CSMD3: variants seen among roughly 807,000 people sequenced by gnomAD.
CSMD3 encodes CUB and sushi domain-containing protein 3.
CSMD3 carries 177 observed loss-of-function variants against 435.2 expected under a neutral mutation model. The ratio of observed to expected loss-of-function variants is 0.41; its 90% CI spans 0.36 to 0.46. The LOEUF is 0.46. CSMD3 is among the 20% of genes least tolerant of loss of function. CSMD3 has a pLI of 0.34. For missense variants in CSMD3, 4,265 were observed against 4,504.6 expected (o/e 0.95, Z 1.52); for synonymous variants, 1,656 against 1,520.5 (o/e 1.09, Z -2.07).
chr8:112,774,952 T>A (rs1005708821), intron 13 of CSMD3, among the ~76,000 whole-genome samples: 11 of 151,948 alleles, frequency 7.2e-5, no homozygotes, highest in Admixed American at 1.3e-4. Flanking sequence ...TGCTCCCTCC[T>A]TGTTACCATT....
At chr8:113,418,897 T>C (rs2094595820) in intron 1 of CSMD3, among the ~76,000 whole-genome samples, 2 of 152,142 alleles carry the variant, frequency 1.3e-5, no homozygotes, top group African/African-American at 4.8e-5. Context: ...CATCTGAAAC[T>C]TTCCAACAGG....
intron 35 of CSMD3, among the ~76,000 whole-genome samples, chr8:112,405,059 C>T (rs1046787667): frequency 3.4e-5 from 5 of 148,922 alleles, no homozygotes; most frequent in African/African-American, 9.9e-5. Context: ...TGGTAGTGCA[C>T]GCCTGTAATC....
intron 2 of CSMD3, among the ~76,000 whole-genome samples, chr8:113,280,557 C>T (rs2093606197): frequency 6.6e-6 from 1 of 151,752 alleles, no homozygotes; most frequent in South Asian, 2.1e-4. Flanking sequence ...CTTCTCTTTT[C>T]TTGGTTAATC....
intron 59 of CSMD3, among the ~76,000 whole-genome samples, chr8:112,280,649 A>G (rs1018671346): frequency 1.3e-5 from 2 of 152,178 alleles, no homozygotes; most frequent in African/African-American, 4.8e-5. Context: ...TAAGACTTTT[A>G]AACACATTTT....
At chr8:112,738,820 T>A (rs1291140909) in intron 13 of CSMD3, among the ~76,000 whole-genome samples, 1 of 151,780 alleles carries the variant, frequency 6.6e-6, no homozygotes, top group Non-Finnish European at 1.5e-5. Context: ...ATGAATTTTA[T>A]TTATTTTTAA....
intron 10 of CSMD3, among the ~76,000 whole-genome samples, chr8:112,879,321 G>A (rs2081382473): frequency 6.6e-6 from 1 of 152,064 alleles, no homozygotes; most frequent in Admixed American, 6.6e-5. Flanking sequence ...CCCCAGGCTT[G>A]CTAGGATTAG....
At chr8:112,326,364 A>T (rs1823513250) in intron 45 of CSMD3, among the ~76,000 whole-genome samples, 1 of 152,158 alleles carries the variant, frequency 6.6e-6, no homozygotes, top group African/African-American at 2.4e-5. Flanking sequence ...TCAAATATTT[A>T]CTCTGTAACC....
intron 5 of CSMD3, among the ~76,000 whole-genome samples, chr8:113,072,198 A>G (rs916610717): frequency 2.6e-5 from 4 of 151,726 alleles, no homozygotes; most frequent in Admixed American, 6.6e-5. Flanking sequence ...CTAACAGATA[A>G]TTTTGGTGAG....
At chr8:112,766,424 T>A (rs2077980815) in intron 13 of CSMD3, among the ~76,000 whole-genome samples, 1 of 151,750 alleles carries the variant, frequency 6.6e-6, no homozygotes, top group Non-Finnish European at 1.5e-5. Flanking sequence ...CTTTCTTTAT[T>A]TTTATATTTT....
chr8:112,557,748 T>C (rs916857414), intron 24 of CSMD3, among the ~76,000 whole-genome samples: 2 of 151,950 alleles, frequency 1.3e-5, no homozygotes, highest in Non-Finnish European at 2.9e-5. Context: ...ACCTCAGCTA[T>C]GTACCTCTTC....
At chr8:113,201,949 A>G (rs1287970006) in intron 3 of CSMD3, among the ~76,000 whole-genome samples, 2 of 152,090 alleles carry the variant, frequency 1.3e-5, no homozygotes, top group Non-Finnish European at 1.5e-5. Flanking sequence ...TACACACCCT[A>G]TAGCTATAAC....
intron 1 of CSMD3, among the ~76,000 whole-genome samples, chr8:113,399,812 T>C (rs2094501736): frequency 6.6e-6 from 1 of 152,002 alleles, no homozygotes; most frequent in Non-Finnish European, 1.5e-5. Flanking sequence ...CATTGAATGG[T>C]ATGTGAATTA....
chr8:113,233,483 A>C (rs543181056), intron 3 of CSMD3, among the ~76,000 whole-genome samples: 1 of 150,930 alleles, frequency 6.6e-6, no homozygotes, highest in African/African-American at 2.4e-5. Context: ...ATAAAGTAGA[A>C]TATTAATTAT....
At chr8:112,509,079 T>G (rs1055972138) in intron 28 of CSMD3, among the ~76,000 whole-genome samples, 2 of 151,816 alleles carry the variant, frequency 1.3e-5, no homozygotes, top group Admixed American at 6.6e-5. Context: ...GAGTCTAGAT[T>G]AGATGTCTTT....
intron 11 of CSMD3, among the ~76,000 whole-genome samples, chr8:112,857,848 C>G (rs1331574765): frequency 6.6e-6 from 1 of 150,584 alleles, no homozygotes; most frequent in South Asian, 2.1e-4. Context: ...TTTTTTTTTC[C>G]TCAACAACCA....
intron 10 of CSMD3, among the ~76,000 whole-genome samples, chr8:112,914,477 A>T (rs2082518110): frequency 6.6e-6 from 1 of 151,604 alleles, no homozygotes; most frequent in Non-Finnish European, 1.5e-5. Context: ...CTATTTACCT[A>T]GCTCCACAAA....
intron 1 of CSMD3, among the ~76,000 whole-genome samples, chr8:113,360,852 C>G (rs1234590419): frequency 6.6e-6 from 1 of 152,014 alleles, no homozygotes; most frequent in East Asian, 1.9e-4. Context: ...GGATTACAGG[C>G]GTGAGCCACC....
chr8:113,385,387 A>C (rs540805993), intron 1 of CSMD3, among the ~76,000 whole-genome samples: 2 of 152,248 alleles, frequency 1.3e-5, no homozygotes, highest in African/African-American at 4.8e-5. Context: ...AATGTCCTAA[A>C]ACATTAAAGA....
intron 5 of CSMD3, among the ~76,000 whole-genome samples, chr8:113,022,218 T>C (rs1380744339): frequency 6.6e-6 from 1 of 152,134 alleles, no homozygotes; most frequent in African/African-American, 2.4e-5. Flanking sequence ...TTAATTTAGA[T>C]AATTACTAAA....
Sources: gnomAD v4.1 joint callset for allele counts (sites outside exome capture counted in the v4.1 genomes callset) on GRCh38, gnomAD v4.1.1 for gene constraint, MANE v1.5 for transcripts, NCBI Gene and HGNC (gene_info 2026-07-23, HGNC 2026-07-21) for gene names.